Variants in DMXL1 observed in about 807,000 individuals in gnomAD.
The protein encoded by DMXL1 is Dmx like 1, also known as dmX-like protein 1.
In DMXL1, 99 loss-of-function variants were observed where a neutral mutation model predicts 319.2. The observed-to-expected ratio is 0.31, with a 90% CI of 0.26 to 0.37. DMXL1 has a LOEUF of 0.37. Among genes scored for constraint, DMXL1 ranks in the 10% least tolerant of loss-of-function variants. The pLI is 1.00. For synonymous variants in DMXL1, 1,385 were observed against 1,235.2 expected (o/e 1.12, Z -2.54); for missense variants, 3,745 against 3,595.6 (o/e 1.04, Z -1.06).
At chr5:119,128,876 C>T (rs1480976998) in intron 9 of DMXL1, among the ~76,000 whole-genome samples, 1 of 151,960 alleles carries the variant, frequency 6.6e-6, no homozygotes, top group Non-Finnish European at 1.5e-5. Context: ...CCATCTTGGC[C>T]AGCGTGGTGA....
chr5:119,174,188 G>T (rs555614260), intron 25 of DMXL1, among the ~76,000 whole-genome samples: 1 of 152,228 alleles, frequency 6.6e-6, no homozygotes, highest in South Asian at 2.1e-4. Context: ...CAGACACCCA[G>T]AATAATGTTT....
intron 26 of DMXL1, among the ~76,000 whole-genome samples, chr5:119,175,648 G>A (rs1194696318): frequency 3.3e-5 from 5 of 151,984 alleles, no homozygotes; most frequent in Admixed American, 3.3e-4. Context: ...TCTAGTTAGA[G>A]ACAAACATGT....
At position 119,166,743 on chromosome 5, in the gene DMXL1, T is replaced by A; in HGVS notation, c.5098T>A (p.Phe1700Ile). 6.2e-7 allele frequency: 1 copy of A among 1,612,428 alleles called. No homozygotes were observed. The highest frequency in any genetic ancestry group is 8.5e-7 in the Non-Finnish European group (1 of 1,179,382). The change falls in exon 22 of 44, where the codon TTT becomes ATT. Residue 1700 changes from phenylalanine (F) to isoleucine (I), a missense_variant. Physicochemically the swap from Phe to Ile is conservative, Grantham distance 21 (BLOSUM62 0). This residue lies in a region of DMXL1 where 1,382 missense variants were observed against 1,269.5 expected (regional missense o/e 1.09). Coordinates refer to ENST00000539542, the MANE Select transcript of DMXL1 (RefSeq NM_001290321.3). ...GKQRFEHSAA[F>I]FLLAGCLRDA... ...ACAAAGATTTGAACATTCTGCAGCA[T>A]TTTTTCTTTTAGCTGGTTGCCTCAG...
intron 34 of DMXL1, among the ~76,000 whole-genome samples, chr5:119,210,590 C>T (rs1415200483): frequency 6.6e-6 from 1 of 152,060 alleles, no homozygotes; most frequent in Non-Finnish European, 1.5e-5. Context: ...AATCAGTTGA[C>T]ACAGATGAGT....
intron 5 of DMXL1, among the ~76,000 whole-genome samples, chr5:119,112,870 T>TAGCTA (rs1759966048): frequency 6.6e-6 from 1 of 152,014 alleles, no homozygotes; most frequent in African/African-American, 2.4e-5. Context: ...GGCATGAGAA[T>TAGCTA]AGCTTGAACC....
In DMXL1 at chr5:119,133,412, C is replaced by G. The variant is rs370858725; in HGVS notation, c.1569+27C>G. Reference sequence around the variant, plus strand: ...TACTACTGTTATTTCTGGAGAGCTACTTCCTTGTTTATGTGGGTACTATTT... The same window carrying G: ...TACTACTGTTATTTCTGGAGAGCTAGTTCCTTGTTTATGTGGGTACTATTT... On this transcript the variant is annotated intron_variant, in intron 11 of 43. Transcript: ENST00000539542. 2.5e-6 allele frequency: 4 copies of G among 1,598,254 alleles called. No homozygotes were observed. In the African/African-American group the frequency reaches 4.0e-5, roughly 16 times the overall value.
In DMXL1 at chr5:119,247,339, T is replaced by TTA; in HGVS notation, c.*122_*123dup. 1 of 739,104 alleles carries TTA rather than the reference T, an allele frequency of 1.4e-6. No homozygotes were observed. The highest frequency in any genetic ancestry group is 2.1e-6 in the Non-Finnish European group (1 of 466,042). 45.8% of individuals were successfully genotyped at this position (739,104 alleles called of 1,614,324 possible). A position where few individuals can be genotyped will look rare whatever the true frequency, so the allele number is the denominator to read the frequency against. Reference sequence around the variant, plus strand: ...ATGCTTTCTTGTTTTTATATTTATTTTATGGAGCTTTGCCCTTGATGCACT... The same window carrying TTA: ...ATGCTTTCTTGTTTTTATATTTATTTTATATGGAGCTTTGCCCTTGATGCACT... On this transcript the variant is annotated 3_prime_UTR_variant, in exon 44 of 44. Transcript: ENST00000539542.
chr5:119,213,095 A>G (rs1440679278), intron 34 of DMXL1, among the ~76,000 whole-genome samples: 2 of 152,226 alleles, frequency 1.3e-5, no homozygotes, highest in African/African-American at 4.8e-5. Context: ...CAAAATTAAT[A>G]TAAAACTACC....
In DMXL1 at chr5:119,170,371, C is replaced by G. The variant is rs371002449; in HGVS notation, c.5580C>G (p.Thr1860=). 1.9e-6 allele frequency: 3 copies of G among 1,613,740 alleles called. No homozygotes were observed. The African/African-American group carries it at 4.0e-5, about 22-fold the overall frequency. Residue 1860 remains threonine, a synonymous_variant, in exon 24 of 44, where the codon ACC becomes ACG. Transcript: ENST00000539542. The part of the protein sequence containing the change: ...INLSERRLFF[T]TASAHLKAGC... ...TAAGTGAAAGACGTTTATTTTTTAC[C>G]ACTGCCAGTGCTCATTTAAAAGCTG...
chr5:119,141,425 A>G (rs1032073221), intron 13 of DMXL1, among the ~76,000 whole-genome samples: 4 of 152,156 alleles, frequency 2.6e-5, no homozygotes, highest in Non-Finnish European at 2.9e-5. Context: ...AAATTAATGT[A>G]GAAGAAATGA....
In DMXL1 at chr5:119,116,152, C is replaced by A. The variant is rs879141541; in HGVS notation, c.565-6C>A. 1 of 1,515,236 alleles carries A rather than the reference C, an allele frequency of 6.6e-7. No individual in the cohort carries two copies. The highest frequency in any genetic ancestry group is 8.9e-7 in the Non-Finnish European group (1 of 1,124,496). 93.9% of individuals were successfully genotyped at this position (1,515,236 alleles called of 1,614,324 possible). On this transcript the variant is annotated splice_polypyrimidine_tract_variant and splice_region_variant and intron_variant, in intron 6 of 43. Coordinates refer to ENST00000539542, the MANE Select transcript of DMXL1 (RefSeq NM_001290321.3). ...TGATTTTCTGTTTTGTTTTTTTTTT[C>A]CTTAGGATGACTGTCTTTTGAAGGT... is the stretch of plus-strand genomic sequence containing the variant.
At chr5:119,175,201 G>T in intron 25 of DMXL1, 60 bp from the exon 26 acceptor site, 2 of 1,343,186 alleles carry the variant, frequency 1.5e-6, no homozygotes, top group Middle Eastern at 2.1e-4. Context: ...ATTAGGTCTT[G>T]AAAAAAAATC....
At chr5:119,120,946 A>T in intron 8 of DMXL1, 25 bp from the exon 9 acceptor site, 1 of 1,585,768 alleles carries the variant, frequency 6.3e-7, no homozygotes. Flanking sequence ...CAATATAGGT[A>T]TTAGTTTTGT....
chr5:119,163,069 G>T (rs1457270040), intron 19 of DMXL1, among the ~76,000 whole-genome samples: 1 of 152,072 alleles, frequency 6.6e-6, no homozygotes, highest in Non-Finnish European at 1.5e-5. Flanking sequence ...TAGGCCACTG[G>T]GTTGAGAGAA....
At position 119,245,775 on chromosome 5, in the gene DMXL1, T is replaced by C. The variant is rs1449189299; in HGVS notation, c.8922+1199T>C. ...GGATGGTCTCGATCTCCTGACCTTG[T>C]GATCCGCCTGCCTGCCTCTGCCTCC... On this transcript the variant is annotated intron_variant, in intron 43 of 43. Coordinates refer to ENST00000539542, the MANE Select transcript of DMXL1 (RefSeq NM_001290321.3). Among the ~76,000 whole-genome samples, 3 of 152,060 alleles carry C rather than the reference T, an allele frequency of 2.0e-5. No individual in the cohort carries two copies. In the East Asian group the frequency reaches 5.8e-4, roughly 29 times the overall value.
At chr5:119,188,777 A>T (rs1778201109) in intron 28 of DMXL1, among the ~76,000 whole-genome samples, 1 of 152,256 alleles carries the variant, frequency 6.6e-6, no homozygotes, top group African/African-American at 2.4e-5. Context: ...TACTTTGTTA[A>T]ACTCAGCTTG....
At chr5:119,148,461 C>G (rs1273538319) in intron 17 of DMXL1, among the ~76,000 whole-genome samples, 3 of 152,102 alleles carry the variant, frequency 2.0e-5, no homozygotes, top group African/African-American at 7.2e-5. Flanking sequence ...TAAATTATCT[C>G]AGAGTTCCCT....
intron 2 of DMXL1, chr5:119,100,803 G>C (rs1364918512): frequency 7.6e-6 from 1 of 131,070 alleles, no homozygotes; most frequent in Non-Finnish European, 1.6e-5. Flanking sequence ...TTTTTGAGAC[G>C]GAGTCTCACT....
rs921249194 is a variant in DMXL1 at position 119,178,029 on chromosome 5, C to G, written c.6920C>G (p.Ser2307Cys). Residue 2307 changes from serine to cysteine, a missense_variant, in exon 28 of 44, where the codon TCT (serine) becomes TGT (cysteine). Physicochemically the swap from Ser to Cys is moderately radical, Grantham distance 112. Around this residue, in one of 4 missense-constraint regions of DMXL1, gnomAD observed 1,382 missense variants for 1,269.5 expected, o/e 1.09. Transcript: ENST00000539542. Reference sequence around the variant, plus strand: ...TGTCTAATTCGACTTTTGAATTCTTCTGGCGAGGAAGCCCAGTCAGGGCTT... The same window carrying G: ...TGTCTAATTCGACTTTTGAATTCTTGTGGCGAGGAAGCCCAGTCAGGGCTT... ...ITCLIRLLNS[S>C]GEEAQSGLTV... 3 of 1,609,614 alleles carry G rather than the reference C, an allele frequency of 1.9e-6. No homozygotes were observed. Among genetic ancestry groups the G allele is most frequent in the Non-Finnish European group, 2.5e-6 (3 of 1,177,586 alleles).
Sources: allele counts gnomAD v4.1 joint callset (sites outside exome capture counted in the v4.1 genomes callset), GRCh38; gene constraint gnomAD v4.1.1; regional missense constraint gnomAD v4.1.1; transcripts MANE v1.5; gene names NCBI Gene and HGNC (gene_info 2026-07-23, HGNC 2026-07-21).